MAP3K13: variants seen among roughly 807,000 people sequenced by gnomAD.
The protein encoded by MAP3K13 is leucine zipper-bearing kinase.
Under a neutral mutation model 104.0 loss-of-function variants are expected in MAP3K13, and 52 were observed. The observed-to-expected ratio is 0.50, with a 90% CI of 0.40 to 0.63. The LOEUF is 0.63. Ranked by LOEUF, MAP3K13 falls within the 20% of genes least tolerant of loss-of-function variation. MAP3K13 has a pLI of 0.00. For missense variants in MAP3K13, 914 were observed against 1,218.5 expected (o/e 0.75, Z 3.72); for synonymous variants, 394 against 442.2 (o/e 0.89, Z 1.37).
At chr3:185,292,621 CAA>C in intron 2 of MAP3K13, 3 of 982,790 alleles carry the variant, frequency 3.1e-6, no homozygotes, top group Non-Finnish European at 3.6e-6. Flanking sequence ...ATAATACAGA[CAA>C]AGGGTCCTGT....
intron 1 of MAP3K13, among the ~76,000 whole-genome samples, chr3:185,377,213 G>A (rs183253392): frequency 4.1e-4 from 62 of 152,260 alleles, no homozygotes; most frequent in African/African-American, 1.4e-3. Context: ...GAGTTTATAG[G>A]CTTTAAAAGG....
chr3:185,478,871 C>CAA lies in MAP3K13; in HGVS notation c.2502-1349_2502-1348dup, dbSNP rs557343014. On this transcript the variant is annotated intron_variant, in intron 12 of 13. Transcript: ENST00000265026. Reference sequence around the variant, plus strand: ...TGGGCGACAGAGTGAGACTCTGTCTCAAAAAAAAAAAAAGAAAAAAACAAA... The same window carrying CAA: ...TGGGCGACAGAGTGAGACTCTGTCTCAAAAAAAAAAAAAAAGAAAAAAACAAA... Among the ~76,000 whole-genome samples the CAA allele has an allele frequency of 1.6e-4, 11 of 68,952 alleles. No homozygotes were observed. In the East Asian group the frequency reaches 3.6e-3, roughly 22 times the overall value. The allele number at this position is 68,952 out of a possible 152,430, so 45.2% of individuals were successfully genotyped here. A position where few individuals can be genotyped will look rare whatever the true frequency, so the allele number is the denominator to read the frequency against.
At chr3:185,462,817 A>G (rs1180144433) in intron 7 of MAP3K13, among the ~76,000 whole-genome samples, 2 of 152,218 alleles carry the variant, frequency 1.3e-5, no homozygotes, top group Non-Finnish European at 2.9e-5. Context: ...TAAAGCAGTC[A>G]TTCAAAGCCT....
intron 1 of MAP3K13, among the ~76,000 whole-genome samples, chr3:185,367,190 C>T (rs1723929378): frequency 6.6e-6 from 1 of 152,064 alleles, no homozygotes; most frequent in Non-Finnish European, 1.5e-5. Context: ...ACTATTCTTT[C>T]CCCCATTAAA....
chr3:185,380,833 G>T (rs1352671639), intron 1 of MAP3K13, among the ~76,000 whole-genome samples: 1 of 151,888 alleles, frequency 6.6e-6, no homozygotes, highest in Non-Finnish European at 1.5e-5. Context: ...AGGATCTGAA[G>T]AACTGTCATA....
intron 4 of MAP3K13, among the ~76,000 whole-genome samples, chr3:185,447,449 G>A (rs1310705138): frequency 1.4e-5 from 2 of 139,264 alleles, no homozygotes; most frequent in Non-Finnish European, 3.0e-5. Flanking sequence ...AGCTGAGATC[G>A]TGCCATTGCA....
intron 2 of MAP3K13, among the ~76,000 whole-genome samples, chr3:185,286,464 C>T (rs1327063842): frequency 6.7e-6 from 1 of 149,916 alleles, no homozygotes; most frequent in Non-Finnish European, 1.5e-5. Flanking sequence ...AATTTGCATA[C>T]AAAGATTTTT....
intron 2 of MAP3K13, among the ~76,000 whole-genome samples, chr3:185,321,094 ATGCG>A (rs1721844777): frequency 3.3e-5 from 5 of 151,710 alleles, no homozygotes; most frequent in Admixed American, 6.6e-5. Context: ...ACATATACAC[ATGCG>A]TGCACACACA....
At position 185,437,441 on chromosome 3, in the gene MAP3K13, G is replaced by C; in HGVS notation, c.476-6G>C. 6.2e-7 allele frequency: 1 copy of C among 1,612,686 alleles called. No individual in the cohort carries two copies. The highest frequency in any genetic ancestry group is 8.5e-7 in the Non-Finnish European group (1 of 1,179,404). On this transcript the variant is annotated splice_region_variant and splice_polypyrimidine_tract_variant and intron_variant, in intron 2 of 13. Coordinates refer to ENST00000265026, the MANE Select transcript of MAP3K13 (RefSeq NM_004721.5). Reference sequence around the variant, plus strand: ...CTTCAAGCTTATTTCTTGCTTGTGTGCCTAGATACTTGGGAAGTGCCATTT... The same window carrying C: ...CTTCAAGCTTATTTCTTGCTTGTGTCCCTAGATACTTGGGAAGTGCCATTT...
intron 1 of MAP3K13, among the ~76,000 whole-genome samples, chr3:185,369,306 A>T (rs1307317741): frequency 6.6e-6 from 1 of 152,244 alleles, no homozygotes; most frequent in South Asian, 2.1e-4. Flanking sequence ...GAGATGGTGA[A>T]CCATCAAACA....
intron 2 of MAP3K13, among the ~76,000 whole-genome samples, chr3:185,303,752 T>G (rs929900566): frequency 1.3e-5 from 2 of 151,968 alleles, no homozygotes; most frequent in Non-Finnish European, 2.9e-5. Flanking sequence ...TTTTGTTGCC[T>G]TTTTTAAAAA....
At chr3:185,301,876 A>G (rs192898803) in intron 2 of MAP3K13, among the ~76,000 whole-genome samples, 87 of 152,322 alleles carry the variant, frequency 5.7e-4, no homozygotes, top group African/African-American at 2.0e-3. Flanking sequence ...AAAGTTTTGT[A>G]ATATATGTTG....
chr3:185,293,535 C>T (rs186914095), intron 2 of MAP3K13, among the ~76,000 whole-genome samples: 1 of 151,926 alleles, frequency 6.6e-6, no homozygotes, highest in Admixed American at 6.6e-5. Flanking sequence ...GTGGTCCTCT[C>T]ACCTCAGCCT....
At position 185,465,846 on chromosome 3, in the gene MAP3K13, G is replaced by A. The variant is rs144685668; in HGVS notation, c.1488G>A (p.Arg496=). The change falls in exon 9 of 14, where the codon CGG becomes CGA. Residue 496 remains arginine, a synonymous_variant. Coordinates refer to ENST00000265026, the MANE Select transcript of MAP3K13 (RefSeq NM_004721.5). ...CCATCATGCTGCAGCTAGAAATGCG[G>A]GAGAAGGAGCTCATTAAGTATGTAT... ...LSAIMLQLEM[R]EKELIKREQA... The A allele has an allele frequency of 3.2e-5, 52 of 1,613,126 alleles. No homozygotes were observed. In the African/African-American group the frequency reaches 4.9e-4, roughly 15 times the overall value.
chr3:185,444,166 C>A (rs1577565886), intron 4 of MAP3K13, among the ~76,000 whole-genome samples: 1 of 151,986 alleles, frequency 6.6e-6, no homozygotes, highest in Admixed American at 6.6e-5. Context: ...GAAACCCTGT[C>A]TCTACTAAAA....
upstream of MAP3K13, among the ~76,000 whole-genome samples, chr3:185,358,449 G>A (rs1387235778): frequency 6.6e-6 from 1 of 152,114 alleles, no homozygotes; most frequent in Non-Finnish European, 1.5e-5. Context: ...ATAAAAGCAA[G>A]ACCACAACAC....
chr3:185,331,089 TACC>T (rs1577431821), intron 2 of MAP3K13, among the ~76,000 whole-genome samples: 3 of 104,976 alleles, frequency 2.9e-5, no homozygotes, highest in South Asian at 3.3e-4. Flanking sequence ...TAACCTAATT[TACC>T]TTTTTTTTTT....
chr3:185,316,172 C>T (rs1721666339), intron 2 of MAP3K13, among the ~76,000 whole-genome samples: 1 of 152,090 alleles, frequency 6.6e-6, no homozygotes, highest in African/African-American at 2.4e-5. Flanking sequence ...AAGAGATGTT[C>T]TTGAAATTCC....
At chr3:185,455,039 T>TATATATGAG (rs1716359500) in intron 7 of MAP3K13, among the ~76,000 whole-genome samples, 4 of 96,596 alleles carry the variant, frequency 4.1e-5, no homozygotes, top group South Asian at 3.4e-4. Context: ...ATATATATGA[T>TATATATGAG]ATATATATGA....
Sources: allele counts gnomAD v4.1 joint callset (sites outside exome capture counted in the v4.1 genomes callset), GRCh38; gene constraint gnomAD v4.1.1; transcripts MANE v1.5; gene names NCBI Gene and HGNC (gene_info 2026-07-23, HGNC 2026-07-21).